Variants in CPNE4 observed in about 807,000 individuals in gnomAD.
The protein encoded by CPNE4 is copine-4.
Under a neutral mutation model 67.9 loss-of-function variants are expected in CPNE4, and 25 were observed. That is an observed-to-expected ratio of 0.37 (90% CI 0.27 to 0.51). The LOEUF (loss-of-function observed/expected upper bound fraction) is 0.51. CPNE4 is among the 20% of genes least tolerant of loss of function. The pLI, the probability that CPNE4 is intolerant of heterozygous loss-of-function variation, is 0.93. For missense variants in CPNE4, 464 were observed against 690.8 expected, an observed-to-expected ratio of 0.67 and a Z score of 3.68; for synonymous variants, 242 against 244.9, an observed-to-expected ratio of 0.99 and a Z score of 0.11.
chr3:132,011,346 T>C (rs1224947244), intron 1 of CPNE4, among the ~76,000 whole-genome samples: 1 of 152,216 alleles, frequency 6.6e-6, no homozygotes, highest in Non-Finnish European at 1.5e-5. Context: ...AAGTAGCTCC[T>C]GAGCTCTTGC....
upstream of CPNE4, chr3:132,037,640 G>C: frequency 1.3e-6 from 2 of 1,532,254 alleles, no homozygotes; most frequent in Non-Finnish European, 1.7e-6. Flanking sequence ...AAGCCACAAA[G>C]TCACTGTGGC....
intron 2 of CPNE4, among the ~76,000 whole-genome samples, chr3:131,844,487 C>A (rs182304051): frequency 4.6e-4 from 70 of 152,012 alleles, no homozygotes; most frequent in African/African-American, 1.7e-3. Context: ...AAACTGGCCT[C>A]GAACTCCTGA....
At chr3:131,906,845 T>G (rs2088789293) in intron 1 of CPNE4, among the ~76,000 whole-genome samples, 1 of 151,782 alleles carries the variant, frequency 6.6e-6, no homozygotes, top group Non-Finnish European at 1.5e-5. Flanking sequence ...TCCACAATGG[T>G]TGAACTAGTT....
At chr3:132,030,157 C>T (rs893920838) in intron 1 of CPNE4, among the ~76,000 whole-genome samples, 43 of 152,330 alleles carry the variant, frequency 2.8e-4, no homozygotes, top group Non-Finnish European at 2.4e-4. Flanking sequence ...TAAAGATCAG[C>T]AGTGCACATG....
intron 2 of CPNE4, among the ~76,000 whole-genome samples, chr3:131,733,251 G>A (rs1168281813): frequency 6.6e-6 from 1 of 152,132 alleles, no homozygotes; most frequent in Non-Finnish European, 1.5e-5. Context: ...TTCAAGTGGG[G>A]CCATTCAGAA....
intron 7 of CPNE4, among the ~76,000 whole-genome samples, chr3:131,602,604 C>A: frequency 6.6e-6 from 1 of 152,130 alleles, no homozygotes; most frequent in East Asian, 1.9e-4. Flanking sequence ...CAGAGGCTCC[C>A]AAATGCTTGT....
At chr3:131,795,066 G>T (rs1482437636) in intron 2 of CPNE4, among the ~76,000 whole-genome samples, 7 of 152,170 alleles carry the variant, frequency 4.6e-5, no homozygotes, top group Non-Finnish European at 8.8e-5. Context: ...TGAAAACTCC[G>T]CTATTGAGAG....
intron 2 of CPNE4, among the ~76,000 whole-genome samples, chr3:131,836,299 C>T (rs1478620348): frequency 1.3e-5 from 2 of 151,986 alleles, no homozygotes; most frequent in South Asian, 2.1e-4. Flanking sequence ...AAAGCTGGTT[C>T]AATACTCAAA....
chr3:131,882,931 AT>A (rs2087737283), intron 2 of CPNE4, among the ~76,000 whole-genome samples: 3 of 151,920 alleles, frequency 2.0e-5, no homozygotes, highest in African/African-American at 7.3e-5. Flanking sequence ...GTTAGCCAGG[AT>A]GGTCTCGATC....
intron 2 of CPNE4, among the ~76,000 whole-genome samples, chr3:131,749,698 T>C (rs536068380): frequency 3.9e-5 from 6 of 152,182 alleles, no homozygotes; most frequent in Non-Finnish European, 8.8e-5. Flanking sequence ...TATTATTATA[T>C]AAGATTTCTC....
chr3:131,924,178 A>C (rs772970978), intron 1 of CPNE4, among the ~76,000 whole-genome samples: 2 of 152,238 alleles, frequency 1.3e-5, no homozygotes, highest in Non-Finnish European at 2.9e-5. Flanking sequence ...CGATAGCCAC[A>C]TGACATATCT....
At chr3:131,770,146 A>G (rs1334105809) in intron 2 of CPNE4, among the ~76,000 whole-genome samples, 1 of 152,152 alleles carries the variant, frequency 6.6e-6, no homozygotes, top group East Asian at 1.9e-4. Flanking sequence ...CTCACCCAAC[A>G]TGTCTTCACA....
chr3:131,732,548 C>T (rs948535481), intron 2 of CPNE4, among the ~76,000 whole-genome samples: 4 of 152,276 alleles, frequency 2.6e-5, no homozygotes, highest in South Asian at 4.1e-4. Flanking sequence ...CCCTCCTAGC[C>T]GCCCTTCCTG....
intron 1 of CPNE4, among the ~76,000 whole-genome samples, chr3:131,914,595 C>T (rs2089112699): frequency 6.6e-6 from 1 of 151,858 alleles, no homozygotes; most frequent in Non-Finnish European, 1.5e-5. Flanking sequence ...ACACTGACTT[C>T]CCAAGAGGTT....
intron 7 of CPNE4, among the ~76,000 whole-genome samples, chr3:131,651,656 C>A (rs2079818742): frequency 6.6e-6 from 1 of 152,152 alleles, no homozygotes; most frequent in Non-Finnish European, 1.5e-5. Flanking sequence ...TTACTCAGCT[C>A]TCTGATTTTC....
At chr3:131,971,144 G>A (rs906901566) in intron 1 of CPNE4, among the ~76,000 whole-genome samples, 3 of 152,222 alleles carry the variant, frequency 2.0e-5, no homozygotes, top group African/African-American at 7.2e-5. Context: ...ACATCTAGAA[G>A]GCAGAGCTCA....
chr3:131,795,238 G>A (rs2083889164), intron 2 of CPNE4, among the ~76,000 whole-genome samples: 1 of 152,174 alleles, frequency 6.6e-6, no homozygotes, highest in South Asian at 2.1e-4. Context: ...TAGGGCAATG[G>A]TTGGGTTCAG....
chr3:131,608,433 T>C (rs796608717), intron 7 of CPNE4, among the ~76,000 whole-genome samples: 32 of 152,190 alleles, frequency 2.1e-4, no homozygotes, highest in African/African-American at 7.7e-4. Context: ...TTGTGAAGGA[T>C]GAATGCAATG....
At chr3:131,610,564 G>T (rs1180241688) in intron 7 of CPNE4, among the ~76,000 whole-genome samples, 1 of 152,166 alleles carries the variant, frequency 6.6e-6, no homozygotes, top group Admixed American at 6.5e-5. Context: ...GTTGTTCATT[G>T]AGACAACTGA....
Sources: gnomAD v4.1 joint callset for allele counts (sites outside exome capture counted in the v4.1 genomes callset) on GRCh38, gnomAD v4.1.1 for gene constraint, MANE v1.5 for transcripts, NCBI Gene and HGNC (gene_info 2026-07-23, HGNC 2026-07-21) for gene names.